Variants in COG2 observed in about 807,000 individuals in gnomAD.
The protein encoded by COG2 is component of oligomeric golgi complex 2, also known as conserved oligomeric Golgi complex subunit 2.
COG2 carries 52 observed loss-of-function variants against 90.6 expected under a neutral mutation model. The observed-to-expected ratio is 0.57, with a 90% confidence interval of 0.46 to 0.72. The LOEUF is 0.72. Ranked by LOEUF, COG2 falls within the 30% of genes least tolerant of loss-of-function variation. COG2 has a pLI of 0.00. For synonymous variants in COG2, 337 were observed against 320.4 expected, an observed-to-expected ratio of 1.05 and a Z score of -0.55; for missense variants, 829 against 891.2, an observed-to-expected ratio of 0.93 and a Z score of 0.89.
At chr1:230,649,496 T>C (rs371397480) in intron 1 of COG2, among the ~76,000 whole-genome samples, 12 of 152,334 alleles carry the variant, frequency 7.9e-5, no homozygotes, top group Admixed American at 6.5e-4. Context: ...CTATCCCCTT[T>C]TCATCACTCG....
At chr1:230,682,095 T>C (rs1171182339) in intron 10 of COG2, 1 of 152,276 alleles carries the variant, frequency 6.6e-6, no homozygotes, top group Non-Finnish European at 1.5e-5. Flanking sequence ...TACTGCATAC[T>C]AGTCCATTGA....
chr1:230,680,216 T>C (rs1436371352), intron 10 of COG2: 3 of 152,242 alleles, frequency 2.0e-5, no homozygotes, highest in African/African-American at 4.8e-5. Context: ...CAAAGCATCA[T>C]TTTATAAAAT....
chr1:230,688,318 G>A, intron 14 of COG2, 102 bp from the exon 15 acceptor site: 2 of 1,424,978 alleles, frequency 1.4e-6, no homozygotes, highest in Non-Finnish European at 1.9e-6. Flanking sequence ...CATTTGATCT[G>A]ATTTATTATA....
At chr1:230,652,634 T>C (rs1187154747) in intron 1 of COG2, among the ~76,000 whole-genome samples, 1 of 152,186 alleles carries the variant, frequency 6.6e-6, no homozygotes, top group Non-Finnish European at 1.5e-5. Flanking sequence ...CCAAAGTGAC[T>C]TCCATTTTGC....
In COG2 at chr1:230,691,547, G is replaced by A. The variant is rs1663029617; in HGVS notation, c.2098G>A (p.Glu700Lys). 1.9e-6 allele frequency: 3 copies of A among 1,611,910 alleles called. No individual in the cohort carries two copies. Among genetic ancestry groups the A allele is most frequent in the Non-Finnish European group, 2.5e-6 (3 of 1,179,294 alleles). ...CAGGCTGCAGTTGGCCCTAGATGTT[G>A]AGTACTTGGGAGAGCAGGTAACCCA... ...KIRLQLALDV[E>K]YLGEQIQKLG... Residue 700 changes from glutamate (E) to lysine (K), a missense_variant, in exon 17 of 18, where the codon GAG (glutamate) becomes AAG (lysine). By Grantham distance (56) the Glu-to-Lys change is moderately conservative (BLOSUM62 1). Coordinates refer to ENST00000366669, the MANE Select transcript of COG2 (RefSeq NM_007357.3).
In COG2 at chr1:230,664,470, A is replaced by T. The variant is rs1208971145; in HGVS notation, c.382-14A>T. 8.4e-7 allele frequency: 1 copy of T among 1,196,634 alleles called. No homozygotes were observed. 74.1% of individuals were successfully genotyped at this position (1,196,634 alleles called of 1,614,324 possible). A position where few individuals can be genotyped will look rare whatever the true frequency, so the allele number is the denominator to read the frequency against. On this transcript the variant is annotated splice_polypyrimidine_tract_variant and intron_variant, in intron 4 of 17. Transcript: ENST00000366669. Reference sequence around the variant, plus strand: ...AACATGACAATAACTTTTTTCCTTAATTTTTATTTATAGATGTGTGTATTG... The same window carrying T: ...AACATGACAATAACTTTTTTCCTTATTTTTTATTTATAGATGTGTGTATTG...
chr1:230,675,969 C>T (rs1390884914), intron 9 of COG2, among the ~76,000 whole-genome samples: 4 of 152,002 alleles, frequency 2.6e-5, no homozygotes, highest in Admixed American at 6.6e-5. Flanking sequence ...CTGCTTCCCC[C>T]GCCCTCTTAA....
At chr1:230,684,731 T>A (rs904205714) in intron 11 of COG2, among the ~76,000 whole-genome samples, 4 of 152,214 alleles carry the variant, frequency 2.6e-5, no homozygotes, top group Admixed American at 1.3e-4. Context: ...TAGGACAAAT[T>A]TGAAACTGAA....
At chr1:230,675,376 A>G (rs1662564496) in intron 9 of COG2, among the ~76,000 whole-genome samples, 1 of 152,192 alleles carries the variant, frequency 6.6e-6, no homozygotes, top group South Asian at 2.1e-4. Context: ...GTGAGTAGAA[A>G]TGTACATTAT....
At chr1:230,671,310 C>G (rs975335218) in intron 7 of COG2, 5 of 333,622 alleles carry the variant, frequency 1.5e-5, no homozygotes, top group Non-Finnish European at 2.7e-5. Context: ...ATGTCTCCCC[C>G]ACAGTTGTAT....
chr1:230,689,944 T>C (rs188269666), intron 15 of COG2, 70 bp from the exon 16 acceptor site: 1 of 1,439,306 alleles, frequency 6.9e-7, no homozygotes, highest in East Asian at 2.5e-5. Context: ...GGACTTGAGT[T>C]CTGGGTAACT....
chr1:230,654,121 A>G (rs980554740), intron 1 of COG2, among the ~76,000 whole-genome samples: 2 of 152,170 alleles, frequency 1.3e-5, no homozygotes, highest in Admixed American at 1.3e-4. Flanking sequence ...CTTTAGTTTA[A>G]TTAGATTCCG....
chr1:230,656,872 A>G (rs778319811), intron 1 of COG2, among the ~76,000 whole-genome samples: 3 of 152,186 alleles, frequency 2.0e-5, no homozygotes, highest in Non-Finnish European at 2.9e-5. Context: ...AGTCTGTGTT[A>G]TCAGAGATTA....
At position 230,671,588 on chromosome 1, in the gene COG2, G is replaced by A; in HGVS notation, c.847G>A (p.Val283Ile). 6.2e-7 allele frequency: 1 copy of A among 1,613,684 alleles called. No homozygotes were observed. Among genetic ancestry groups the A allele is most frequent in the African/African-American group, 1.3e-5 (1 of 74,992 alleles). ...CATGTATAATAAACTCCTGGAGTTT[G>A]TTCCTCACCATTGCCGCCTTCTTCG... is the stretch of plus-strand genomic sequence containing the variant. ...QVMYNKLLEF[V>I]PHHCRLLREV... The change falls in exon 8 of 18, where the codon GTT becomes ATT. Residue 283 changes from valine to isoleucine, a missense_variant. Transcript: ENST00000366669.
rs186727574 is a variant in COG2, at chr1:230,664,448, A to G, written c.382-36A>G. ...TGAAATAAGAAAATTAAGATTAAAC[A>G]TGACAATAACTTTTTTCCTTAATTT... On this transcript the variant is annotated intron_variant, in intron 4 of 17. Coordinates refer to ENST00000366669, the MANE Select transcript of COG2 (RefSeq NM_007357.3). The G allele has an allele frequency of 1.0e-3, 957 of 932,458 alleles. 5 individuals carry two copies. The highest frequency in any genetic ancestry group is 8.9e-3 in the African/African-American group (513 of 57,726). The allele number at this position is 932,458 out of a possible 1,614,324, so 57.8% of individuals were successfully genotyped here. A position where few individuals can be genotyped will look rare whatever the true frequency, so the allele number is the denominator to read the frequency against.
At position 230,663,240 on chromosome 1, in the gene COG2, A is replaced by G. The variant is rs1011936611; in HGVS notation, c.381+19A>G. 1 of 1,593,984 alleles carries G rather than the reference A, an allele frequency of 6.3e-7. No individual in the cohort carries two copies. Among genetic ancestry groups the G allele is most frequent in the Non-Finnish European group, 8.6e-7 (1 of 1,165,104 alleles). On this transcript the variant is annotated intron_variant, in intron 4 of 17. Transcript: ENST00000366669. Reference sequence around the variant, plus strand: ...AAAAAAGGTATACTCAAATATTACAATATTAAATCGTTGATTCACTGTAGC... The same window carrying G: ...AAAAAAGGTATACTCAAATATTACAGTATTAAATCGTTGATTCACTGTAGC...
chr1:230,663,026 T>C, intron 3 of COG2, 115 bp from the exon 4 acceptor site: 10 of 630,462 alleles, frequency 1.6e-5, no homozygotes, highest in Non-Finnish European at 2.5e-5. Context: ...AATTTGTCAA[T>C]ATCTGTGTAA....
chr1:230,651,106 C>T (rs893909311), intron 1 of COG2, among the ~76,000 whole-genome samples: 14 of 152,132 alleles, frequency 9.2e-5, no homozygotes, highest in Middle Eastern at 3.4e-3. Flanking sequence ...CTCAATGAGA[C>T]TGAACATGTT....
At chr1:230,668,264 A>G (rs1278342716) in intron 5 of COG2, among the ~76,000 whole-genome samples, 1 of 151,862 alleles carries the variant, frequency 6.6e-6, no homozygotes, top group Non-Finnish European at 1.5e-5. Flanking sequence ...GAGAAGGGGA[A>G]AGGGGAGAGG....
Sources: gnomAD v4.1 joint callset for allele counts (sites outside exome capture counted in the v4.1 genomes callset) on GRCh38, gnomAD v4.1.1 for gene constraint, MANE v1.5 for transcripts, NCBI Gene and HGNC (gene_info 2026-07-23, HGNC 2026-07-21) for gene names.